The following PRR14L variants were observed in gnomAD, a reference collection of about 807,000 sequenced individuals.
The protein encoded by PRR14L is proline rich 14 like.
PRR14L carries 80 observed loss-of-function variants against 155.0 expected under a neutral mutation model. That is an observed-to-expected ratio of 0.52 (90% CI 0.43 to 0.62). The LOEUF is 0.62. Ranked by LOEUF, PRR14L falls within the 20% of genes least tolerant of loss-of-function variation. The pLI is 0.00. For synonymous variants in PRR14L, 883 were observed against 916.0 expected (o/e 0.96, Z 0.65); for missense variants, 2,469 against 2,548.0 (o/e 0.97, Z 0.67).
chr22:31,745,895 G>A (rs1427342354), intron 1 of PRR14L, among the ~76,000 whole-genome samples: 1 of 148,852 alleles, frequency 6.7e-6, no homozygotes, highest in Non-Finnish European at 1.5e-5. Context: ...GTATCACAGT[G>A]TTACCTTGGA....
In PRR14L at chr22:31,716,771, T is replaced by C. The variant is rs1170173713; in HGVS notation, c.1068A>G (p.Thr356=). The change falls in exon 4 of 9, where the codon ACA becomes ACG. Residue 356 remains threonine (T), a synonymous_variant. Coordinates refer to ENST00000327423, the MANE Select transcript of PRR14L (RefSeq NM_173566.3). ...TSDLSGPESR[T]ISLENCGFEG... The stretch of plus-strand genomic sequence containing the variant: ...CAAAACCACAGTTTTCTAAGGATAT[T>C]GTTCTGGATTCTGGACCAGACAAGT... 2 of 1,551,842 alleles carry C rather than the reference T, an allele frequency of 1.3e-6. No homozygotes were observed. Among genetic ancestry groups the C allele is most frequent in the Non-Finnish European group, 1.7e-6 (2 of 1,147,036 alleles).
At chr22:31,744,609 G>C (rs996675525) in intron 1 of PRR14L, among the ~76,000 whole-genome samples, 2 of 152,186 alleles carry the variant, frequency 1.3e-5, no homozygotes, top group South Asian at 4.1e-4. Flanking sequence ...TCTCAGAAAA[G>C]GCACCATCAA....
chr22:31,739,310 T>A (rs907770136), intron 1 of PRR14L, among the ~76,000 whole-genome samples: 1 of 152,202 alleles, frequency 6.6e-6, no homozygotes, highest in Non-Finnish European at 1.5e-5. Context: ...CATATCCCCA[T>A]GCTATCCCAT....
chr22:31,692,290 G>A (rs954770404), intron 7 of PRR14L, among the ~76,000 whole-genome samples: 1 of 151,912 alleles, frequency 6.6e-6, no homozygotes, highest in Non-Finnish European at 1.5e-5. Flanking sequence ...CCCAAGAGAT[G>A]TGTATAAGGG....
chr22:31,703,498 T>C, intron 6 of PRR14L, 52 bp downstream of exon 6: 3 of 1,546,174 alleles, frequency 1.9e-6, no homozygotes, highest in South Asian at 1.2e-5. Flanking sequence ...GAGTTGACAA[T>C]GGCCACCTCC....
chr22:31,745,539 G>C (rs958542225), intron 1 of PRR14L, among the ~76,000 whole-genome samples: 4 of 151,944 alleles, frequency 2.6e-5, no homozygotes, highest in Non-Finnish European at 4.4e-5. Flanking sequence ...CAATCTAAAA[G>C]GATGATGTAG....
chr22:31,704,563 CCA>C (rs2074579587), intron 5 of PRR14L, 90 bp downstream of exon 5: 1 of 975,746 alleles, frequency 1.0e-6, no homozygotes, highest in Non-Finnish European at 1.6e-6. Context: ...CAAAGTCATG[CCA>C]CAGACGATCC....
chr22:31,699,884 A>G (rs1386913391), intron 7 of PRR14L, among the ~76,000 whole-genome samples: 3 of 150,220 alleles, frequency 2.0e-5, no homozygotes. Flanking sequence ...TTTTTTTTTG[A>G]CAAAAGTACA....
At chr22:31,717,552 T>C (rs2074667161) in intron 3 of PRR14L, among the ~76,000 whole-genome samples, 1 of 152,184 alleles carries the variant, frequency 6.6e-6, no homozygotes, top group Non-Finnish European at 1.5e-5. Flanking sequence ...AGATCAATGC[T>C]GGACAACTGA....
rs139626591 is a variant in PRR14L at position 31,721,920 on chromosome 22, G to A, written c.547+3618C>T. On this transcript the variant is annotated intron_variant, in intron 3 of 8. Transcript: ENST00000327423. ...AGAGAAGTAAAAATAATGCACTGAG[G>A]GGAGAGTGTAGTAGCAGAGGTTCAC... Among the ~76,000 whole-genome samples the A allele has an allele frequency of 3.4e-3, 517 of 152,210 alleles. 2 individuals are homozygous for A. The highest frequency in any genetic ancestry group is 0.012 in the African/African-American group (502 of 41,526).
At chr22:31,723,185 AACTGAG>A (rs1481195240) in intron 3 of PRR14L, among the ~76,000 whole-genome samples, 1 of 152,158 alleles carries the variant, frequency 6.6e-6, no homozygotes, top group African/African-American at 2.4e-5. Context: ...GCCTATACCA[AACTGAG>A]ACCCTTATCC....
chr22:31,697,629 G>A (rs2074541834), intron 7 of PRR14L, among the ~76,000 whole-genome samples: 1 of 152,108 alleles, frequency 6.6e-6, no homozygotes. Flanking sequence ...ACTTTGGGAG[G>A]TGGAGGTGGC....
intron 7 of PRR14L, among the ~76,000 whole-genome samples, chr22:31,696,952 T>C (rs2074537717): frequency 6.6e-6 from 1 of 152,024 alleles, no homozygotes; most frequent in Non-Finnish European, 1.5e-5. Flanking sequence ...CTGTCTCTAC[T>C]AAAAATACAA....
Position 31,725,595 on chromosome 22 carries a change from G to C in PRR14L, c.490C>G (p.Gln164Glu), listed in dbSNP as rs2074711950. 4.5e-6 allele frequency: 7 copies of C among 1,549,996 alleles called. No individual in the cohort carries two copies. The highest frequency in any genetic ancestry group is 3.6e-5 in the South Asian group (3 of 84,018). Residue 164 changes from glutamine to glutamate, a missense_variant, in exon 3 of 9, where the codon CAG becomes GAG. By Grantham distance (29) the Gln-to-Glu change is conservative (BLOSUM62 2). Coordinates refer to ENST00000327423, the MANE Select transcript of PRR14L (RefSeq NM_173566.3). ...TSPSQEDLLM[Q>E]SSKELSHVDL... ...ACATGTGAAAGTTCTTTGCTGGACT[G>C]CATCAGGAGATCCTCCTACAGTAAG...
intron 2 of PRR14L, among the ~76,000 whole-genome samples, chr22:31,728,424 C>T (rs2074729604): frequency 1.3e-5 from 2 of 151,930 alleles, no homozygotes; most frequent in African/African-American, 4.8e-5. Flanking sequence ...ACCAGTCTGA[C>T]CAACATGGAG....
At position 31,706,583 on chromosome 22, in the gene PRR14L, C is replaced by T. The variant is rs114101948; in HGVS notation, c.5757-1857G>A. On this transcript the variant is annotated intron_variant, in intron 4 of 8. Transcript: ENST00000327423. Reference sequence around the variant, plus strand: ...GGACTACAGCCACCTGCCAGGATGCCGGGTTAATTTTTGTATTCTTAGTAG... The same window carrying T: ...GGACTACAGCCACCTGCCAGGATGCTGGGTTAATTTTTGTATTCTTAGTAG... 1.7e-3 allele frequency among the ~76,000 whole-genome samples: 259 copies of T among 151,894 alleles called. 4 individuals carry two copies. Among genetic ancestry groups the T allele is most frequent in the African/African-American group, 6.0e-3 (250 of 41,472 alleles).
intron 3 of PRR14L, among the ~76,000 whole-genome samples, chr22:31,718,583 A>G (rs1281678694): frequency 6.8e-6 from 1 of 147,632 alleles, no homozygotes; most frequent in Non-Finnish European, 1.5e-5. Flanking sequence ...TATTTTTACT[A>G]GAGACGGGGT....
rs543386406 is a variant in PRR14L, at chr22:31,710,930, T to C, written c.5756+1153A>G. On this transcript the variant is annotated intron_variant, in intron 4 of 8. Coordinates refer to ENST00000327423, the MANE Select transcript of PRR14L (RefSeq NM_173566.3). ...TTCTATAAACCCTAAAGCTGAAGTA[T>C]GTAAATGCCAATTTTTGAAGCCTCT... Among the ~76,000 whole-genome samples, 3 of 152,354 alleles carry C rather than the reference T, an allele frequency of 2.0e-5. No individual in the cohort carries two copies. In the South Asian group the frequency reaches 6.2e-4, roughly 32 times the overall value.
intron 7 of PRR14L, among the ~76,000 whole-genome samples, chr22:31,695,545 A>C (rs568446031): frequency 3.2e-4 from 48 of 152,078 alleles, no homozygotes. Flanking sequence ...CGCATAGGGC[A>C]CTCCAGGCCT....
Sources: allele counts gnomAD v4.1 joint callset (sites outside exome capture counted in the v4.1 genomes callset), GRCh38; gene constraint gnomAD v4.1.1; transcripts MANE v1.5; gene names NCBI Gene and HGNC (gene_info 2026-07-23, HGNC 2026-07-21).